The following GRM7 variants were observed in gnomAD, a reference collection of about 807,000 sequenced individuals.
The protein encoded by GRM7 is metabotropic glutamate receptor 7.
Under a neutral mutation model 84.5 loss-of-function variants are expected in GRM7, and 35 were observed. The observed-to-expected ratio is 0.41, with a 90% CI of 0.32 to 0.55. GRM7 has a LOEUF of 0.55. GRM7 is among the 20% of genes least tolerant of loss of function. The probability of loss-of-function intolerance (pLI) is 0.19; values close to 1 mark genes in which losing one functional copy is unlikely to be tolerated. For missense variants in GRM7, 1,003 were observed against 1,194.6 expected, an observed-to-expected ratio of 0.84 and a Z score of 2.36; for synonymous variants, 487 against 455.1, an observed-to-expected ratio of 1.07 and a Z score of -0.89.
chr3:7,197,799 T>C (rs548505042), intron 2 of GRM7, among the ~76,000 whole-genome samples: 1 of 152,190 alleles, frequency 6.6e-6, no homozygotes, highest in African/African-American at 2.4e-5. Flanking sequence ...ACTGTCATGC[T>C]TAACAATTCA....
chr3:7,585,332 G>C (rs1695470481), intron 8 of GRM7, among the ~76,000 whole-genome samples: 1 of 152,298 alleles, frequency 6.6e-6, no homozygotes, highest in South Asian at 2.1e-4. Context: ...GCTGGTGTTA[G>C]CTAGTCGCTT....
chr3:7,557,839 G>A (rs1693844993), intron 7 of GRM7, among the ~76,000 whole-genome samples: 1 of 152,084 alleles, frequency 6.6e-6, no homozygotes, highest in East Asian at 1.9e-4. Context: ...AATAAGGCAG[G>A]ATCACCCCAC....
intron 2 of GRM7, among the ~76,000 whole-genome samples, chr3:7,216,095 G>A (rs1318307967): frequency 1.3e-5 from 2 of 152,146 alleles, no homozygotes; most frequent in East Asian, 3.9e-4. Flanking sequence ...TTATTTTCCA[G>A]CTCTGATTCT....
intron 4 of GRM7, among the ~76,000 whole-genome samples, chr3:7,378,596 T>C (rs1357188007): frequency 6.6e-6 from 1 of 152,196 alleles, no homozygotes; most frequent in African/African-American, 2.4e-5. Flanking sequence ...CATGTTATGT[T>C]AGAATACTTT....
intron 4 of GRM7, among the ~76,000 whole-genome samples, chr3:7,385,285 A>G (rs1403019105): frequency 8.2e-6 from 1 of 121,982 alleles, no homozygotes; most frequent in African/African-American, 3.0e-5. Context: ...TTATTTCTAT[A>G]TGGATTTTTT....
intron 1 of GRM7, among the ~76,000 whole-genome samples, chr3:7,109,270 A>G (rs1423554157): frequency 1.3e-5 from 2 of 152,138 alleles, no homozygotes; most frequent in Non-Finnish European, 2.9e-5. Context: ...GATCATCAAG[A>G]AAAACTACAA....
chr3:7,360,117 T>C (rs1269491821), intron 4 of GRM7, among the ~76,000 whole-genome samples: 1 of 140,700 alleles, frequency 7.1e-6, no homozygotes, highest in Non-Finnish European at 1.5e-5. Flanking sequence ...TATCTCTTTC[T>C]CCCCCCCTTT....
chr3:7,294,935 A>G (rs981687800), intron 2 of GRM7, among the ~76,000 whole-genome samples: 2 of 152,224 alleles, frequency 1.3e-5, no homozygotes. Context: ...TCAAACATAT[A>G]CTTTTAACCA....
intron 8 of GRM7, among the ~76,000 whole-genome samples, chr3:7,658,054 A>G (rs1403986556): frequency 2.0e-5 from 3 of 152,290 alleles, no homozygotes; most frequent in Non-Finnish European, 4.4e-5. Flanking sequence ...GAAGAACACT[A>G]TTGTGAATTA....
At chr3:7,286,936 A>G (rs1575121737) in intron 2 of GRM7, among the ~76,000 whole-genome samples, 2 of 152,302 alleles carry the variant, frequency 1.3e-5, no homozygotes, top group South Asian at 4.1e-4. Flanking sequence ...ACATTGGCTT[A>G]AAATGAACAG....
intron 7 of GRM7, among the ~76,000 whole-genome samples, chr3:7,531,571 C>T (rs182083588): frequency 6.6e-6 from 1 of 152,178 alleles, no homozygotes; most frequent in East Asian, 1.9e-4. Flanking sequence ...TGTCTTGTAG[C>T]AATTGTCAAT....
chr3:7,316,877 C>A (rs775818525), intron 4 of GRM7, among the ~76,000 whole-genome samples: 19 of 152,012 alleles, frequency 1.2e-4, no homozygotes, highest in Non-Finnish European at 2.4e-4. Flanking sequence ...TTTTAAGTAA[C>A]ACAGAAAATA....
intron 7 of GRM7, among the ~76,000 whole-genome samples, chr3:7,510,083 C>T (rs1700152974): frequency 6.6e-6 from 1 of 152,116 alleles, no homozygotes; most frequent in Non-Finnish European, 1.5e-5. Context: ...TAGCTTATTC[C>T]TCTTCCTTCT....
chr3:7,237,803 T>A (rs918615509), intron 2 of GRM7, among the ~76,000 whole-genome samples: 9 of 152,172 alleles, frequency 5.9e-5, no homozygotes, highest in African/African-American at 2.2e-4. Flanking sequence ...CCTACACACA[T>A]CCTGCTGATT....
chr3:7,430,725 C>T (rs185823260), intron 5 of GRM7, among the ~76,000 whole-genome samples: 87 of 152,242 alleles, frequency 5.7e-4, no homozygotes, highest in African/African-American at 1.9e-3. Flanking sequence ...CTTGTTTCTG[C>T]TTATTTTGCA....
At chr3:7,030,925 A>G (rs1696162262) in intron 1 of GRM7, among the ~76,000 whole-genome samples, 1 of 152,206 alleles carries the variant, frequency 6.6e-6, no homozygotes. Flanking sequence ...GTAATGTTAA[A>G]ACATCCTCCT....
At chr3:6,963,769 T>G (rs73126772) in intron 1 of GRM7, among the ~76,000 whole-genome samples, 11,151 of 152,244 alleles carry the variant, frequency 0.073, 1,202 homozygotes, top group African/African-American at 0.24. Flanking sequence ...TGGTGTGACT[T>G]ACATGAATGG....
At chr3:7,467,717 C>T (rs140906928) in intron 7 of GRM7, among the ~76,000 whole-genome samples, 2 of 152,090 alleles carry the variant, frequency 1.3e-5, no homozygotes, top group African/African-American at 2.4e-5. Flanking sequence ...ATTTATAATG[C>T]TCTCTGGATT....
intron 2 of GRM7, among the ~76,000 whole-genome samples, chr3:7,181,780 ATTT>A (rs1357617856): frequency 3.3e-5 from 5 of 151,408 alleles, no homozygotes; most frequent in African/African-American, 1.2e-4. Flanking sequence ...AGTTATTTTT[ATTT>A]TTTATTTTTT....
Sources: allele counts gnomAD v4.1 joint callset (sites outside exome capture counted in the v4.1 genomes callset), GRCh38; gene constraint gnomAD v4.1.1; transcripts MANE v1.5; gene names NCBI Gene and HGNC (gene_info 2026-07-23, HGNC 2026-07-21).